GUCY2C: variants seen among roughly 807,000 people sequenced by gnomAD.
GUCY2C encodes guanylyl cyclase C.
GUCY2C carries 118 observed loss-of-function variants against 131.1 expected under a neutral mutation model. The ratio of observed to expected loss-of-function variants is 0.90; its 90% confidence interval spans 0.78 to 1.05. The LOEUF (loss-of-function observed/expected upper bound fraction) is 1.05. Among genes scored for constraint, GUCY2C ranks in the 50% least tolerant of loss-of-function variants. GUCY2C has a pLI of 0.00. For missense variants in GUCY2C, 1,161 were observed against 1,304.4 expected, an observed-to-expected ratio of 0.89 and a Z score of 1.69; for synonymous variants, 452 against 457.8, an observed-to-expected ratio of 0.99 and a Z score of 0.16.
At chr12:14,652,723 C>CTCCA (rs952364918) in intron 13 of GUCY2C, among the ~76,000 whole-genome samples, 3 of 152,174 alleles carry the variant, frequency 2.0e-5, no homozygotes, top group African/African-American at 7.2e-5. Flanking sequence ...TCTTCCTACA[C>CTCCA]TCCACCCTTC....
chr12:14,620,859 G>A (rs1565604757), intron 23 of GUCY2C, among the ~76,000 whole-genome samples, 183 bp downstream of exon 23: 2 of 152,160 alleles, frequency 1.3e-5, no homozygotes, highest in Non-Finnish European at 2.9e-5. Context: ...TGTTCTTAGA[G>A]TTCTCTAGGA....
intron 15 of GUCY2C, among the ~76,000 whole-genome samples, chr12:14,647,816 G>C (rs76312340): frequency 0.03 from 4,619 of 151,606 alleles, 258 homozygotes; most frequent in African/African-American, 0.11. Context: ...TAATATATAT[G>C]ATATATACAT....
intron 17 of GUCY2C, among the ~76,000 whole-genome samples, chr12:14,642,327 C>T (rs943639645): frequency 4.6e-5 from 7 of 152,146 alleles, no homozygotes; most frequent in African/African-American, 1.7e-4. Context: ...TTAGTAATAA[C>T]GGGCATGCAA....
chr12:14,614,884 C>A lies in GUCY2C; in HGVS notation c.3030G>T (p.Leu1010=). The change falls in exon 26 of 27, where the codon CTG becomes CTT. Residue 1010 remains leucine (L), a synonymous_variant. Coordinates refer to ENST00000261170, the MANE Select transcript of GUCY2C (RefSeq NM_004963.4). Reference sequence around the variant, plus strand: ...AAGCTTACACAGTAGGAGGGGTTGGCAGGTTGAATTTCTGGTCCTTCATCC... The same window carrying A: ...AAGCTTACACAGTAGGAGGGGTTGGAAGGTTGAATTTCTGGTCCTTCATCC... ...LTGMKDQKFN[L]PTPPTVENQQ... 6.3e-7 allele frequency: 1 copy of A among 1,586,704 alleles called. No individual in the cohort carries two copies. Among genetic ancestry groups the A allele is most frequent in the African/African-American group, 1.4e-5 (1 of 73,294 alleles).
At position 14,681,410 on chromosome 12, in the gene GUCY2C, T is replaced by C. The variant is rs1361352103; in HGVS notation, c.679A>G (p.Arg227Gly). 1 of 1,612,162 alleles carries C rather than the reference T, an allele frequency of 6.2e-7. No homozygotes were observed. The highest frequency in any genetic ancestry group is 2.2e-5 in the East Asian group (1 of 44,860). ...SHELGFKVVL[R>G]QDKEFQDILM... The stretch of plus-strand genomic sequence containing the variant: ...ATATCCTGAAACTCCTTATCTTGTC[T>C]TAACACCACCTTAAAGCCGAGTTCG... The change falls in exon 5 of 27, where the codon AGA becomes GGA. Residue 227 changes from arginine (R) to glycine (G), a missense_variant. Coordinates refer to ENST00000261170, the MANE Select transcript of GUCY2C (RefSeq NM_004963.4).
At chr12:14,617,893 T>C (rs1043402478) in intron 24 of GUCY2C, among the ~76,000 whole-genome samples, 5 of 152,212 alleles carry the variant, frequency 3.3e-5, no homozygotes, top group Non-Finnish European at 4.4e-5. Context: ...ATACTGAGAA[T>C]GATTAACATA....
chr12:14,669,903 A>T, intron 9 of GUCY2C, 70 bp from the exon 10 acceptor site: 1 of 637,212 alleles, frequency 1.6e-6, no homozygotes, highest in Non-Finnish European at 2.8e-6. Context: ...GGTGAGATTA[A>T]TGATTCTACA....
At chr12:14,626,152 C>A (rs1025614442) in intron 20 of GUCY2C, among the ~76,000 whole-genome samples, 1 of 152,106 alleles carries the variant, frequency 6.6e-6, no homozygotes, top group African/African-American at 2.4e-5. Context: ...CCAGCCTGAC[C>A]AACATGGTGA....
At chr12:14,641,948 T>A (rs1411146107) in intron 17 of GUCY2C, among the ~76,000 whole-genome samples, 2 of 148,774 alleles carry the variant, frequency 1.3e-5, no homozygotes, top group Non-Finnish European at 1.5e-5. Flanking sequence ...AAAAAAAAAA[T>A]ACAAATTTTA....
Position 14,676,987 on chromosome 12 carries a change from C to A in GUCY2C, c.831-16G>T. 1 of 935,036 alleles carries A rather than the reference C, an allele frequency of 1.1e-6. No homozygotes were observed. The highest frequency in any genetic ancestry group is 2.6e-5 in the East Asian group (1 of 38,190). 57.9% of individuals were successfully genotyped at this position (935,036 alleles called of 1,614,324 possible). ...GTACTGGTCACTGTAATAAAAAGCACAGGTTCCTCATGAAAATTAGGAAAA... is the reference window on the plus strand; with the variant it reads ...GTACTGGTCACTGTAATAAAAAGCAAAGGTTCCTCATGAAAATTAGGAAAA... On this transcript the variant is annotated splice_polypyrimidine_tract_variant and intron_variant, in intron 6 of 26. Coordinates refer to ENST00000261170, the MANE Select transcript of GUCY2C (RefSeq NM_004963.4).
rs551583914 is a variant in GUCY2C at position 14,613,442 on chromosome 12, C to A, written c.3048-151G>T. ...GAAATCCAAAGAATACAAAATGATC[C>A]CTGCCTTTGATGAGCTTAAAAAACT... On this transcript the variant is annotated intron_variant, in intron 26 of 26. Transcript: ENST00000261170. The surrounding 1 kb of genome is among the most constrained non-coding windows in gnomAD (Gnocchi z 4.9). The A allele has an allele frequency of 1.8e-5, 12 of 655,308 alleles. No homozygotes were observed. In the African/African-American group the frequency reaches 2.2e-4, roughly 12 times the overall value. The allele number at this position is 655,308 out of a possible 1,614,324, so 40.6% of individuals were successfully genotyped here.
At chr12:14,671,769 A>G (rs1284779911) in intron 9 of GUCY2C, among the ~76,000 whole-genome samples, 2 of 152,222 alleles carry the variant, frequency 1.3e-5, no homozygotes, top group African/African-American at 4.8e-5. Flanking sequence ...CCCAGATGCA[A>G]ATAACTCAGA....
chr12:14,696,186 A>G (rs771542070), intron 1 of GUCY2C, 46 bp downstream of exon 1: 1 of 1,446,792 alleles, frequency 6.9e-7, no homozygotes, highest in Admixed American at 1.7e-5. Context: ...TTTTGTCCCC[A>G]GAGGTAGTAA....
At chr12:14,635,414 G>C (rs183596315) in intron 19 of GUCY2C, among the ~76,000 whole-genome samples, 99 of 152,122 alleles carry the variant, frequency 6.5e-4, no homozygotes, top group Non-Finnish European at 1.0e-3. Flanking sequence ...TAAAACAAAT[G>C]AAAATTTAAA....
At chr12:14,656,214 A>T (rs1947759950) in intron 12 of GUCY2C, among the ~76,000 whole-genome samples, 2 of 152,202 alleles carry the variant, frequency 1.3e-5, no homozygotes, top group Non-Finnish European at 2.9e-5. Flanking sequence ...TGCTCTGCCC[A>T]TTCCTACATC....
At position 14,641,092 on chromosome 12, in the gene GUCY2C, C is replaced by T. The variant is rs902468923; in HGVS notation, c.2058G>A (p.Arg686=). Residue 686 remains arginine (R), a synonymous_variant, in exon 18 of 27, where the codon CGG becomes CGA. Coordinates refer to ENST00000261170, the MANE Select transcript of GUCY2C (RefSeq NM_004963.4). ...TGGGTTTAGATGTACCATTCCGGTC[C>T]CGACAGCTCAAAGTGTAGAAGGTTT... is the stretch of plus-strand genomic sequence containing the variant. ...RKETFYTLSC[R]DRNEKIFRVE... is the part of the protein sequence containing the mutation. 6.2e-7 allele frequency: 1 copy of T among 1,613,476 alleles called. No homozygotes were observed. The highest frequency in any genetic ancestry group is 8.5e-7 in the Non-Finnish European group (1 of 1,179,836).
intron 20 of GUCY2C, among the ~76,000 whole-genome samples, chr12:14,628,049 C>A (rs907226799): frequency 9.9e-5 from 15 of 152,200 alleles, no homozygotes; most frequent in African/African-American, 3.6e-4. Flanking sequence ...TGCCCCACAG[C>A]AAACTCTTAT....
chr12:14,639,225 G>C (rs1459167519), intron 19 of GUCY2C, among the ~76,000 whole-genome samples: 2 of 151,668 alleles, frequency 1.3e-5, no homozygotes, highest in African/African-American at 4.8e-5. Flanking sequence ...TTGAAGACGG[G>C]AGGCCGGAGT....
intron 21 of GUCY2C, among the ~76,000 whole-genome samples, chr12:14,624,538 T>C (rs1158577617): frequency 6.6e-6 from 1 of 152,224 alleles, no homozygotes; most frequent in African/African-American, 2.4e-5. Flanking sequence ...TTCAAATAAA[T>C]GTCTAAGTGA....
Sources: allele counts gnomAD v4.1 joint callset (sites outside exome capture counted in the v4.1 genomes callset), GRCh38; gene constraint gnomAD v4.1.1; non-coding constraint Gnocchi (gnomAD v3.1); transcripts MANE v1.5; gene names NCBI Gene and HGNC (gene_info 2026-07-23, HGNC 2026-07-21).